Variants in HPSE observed in about 807,000 individuals in gnomAD.
The protein encoded by HPSE is heparanase, also known as endo-glucoronidase.
In HPSE, 48 loss-of-function variants were observed where a neutral mutation model predicts 65.1. The ratio of observed to expected loss-of-function variants is 0.74; its 90% CI spans 0.58 to 0.94. The LOEUF (loss-of-function observed/expected upper bound fraction) is 0.94, where lower values mean the gene tolerates loss of function less well. Ranked by LOEUF, HPSE falls within the 40% of genes least tolerant of loss-of-function variation. HPSE has a pLI of 0.00. For missense variants in HPSE, 644 were observed against 637.5 expected, an observed-to-expected ratio of 1.01 and a Z score of -0.11; for synonymous variants, 243 against 260.0, an observed-to-expected ratio of 0.93 and a Z score of 0.63.
intron 5 of HPSE, 106 bp downstream of exon 5, chr4:83,310,616 G>A: frequency 9.6e-7 from 1 of 1,045,332 alleles, no homozygotes; most frequent in Non-Finnish European, 1.4e-6. Context: ...AAGTTGCAGT[G>A]AGCCATGATT....
intron 1 of HPSE, among the ~76,000 whole-genome samples, chr4:83,325,908 G>A (rs1007952385): frequency 2.6e-5 from 4 of 152,184 alleles, no homozygotes; most frequent in Non-Finnish European, 5.9e-5. Flanking sequence ...CACCATTGAC[G>A]AGCAGAAGGG....
At chr4:83,304,910 A>G (rs11726245) in intron 9 of HPSE, among the ~76,000 whole-genome samples, 21,724 of 152,126 alleles carry the variant, frequency 0.14, 1,782 homozygotes, top group African/African-American at 0.21. Flanking sequence ...TTTTAAGAGT[A>G]ACATAGGACT....
intron 11 of HPSE, 50 bp from the exon 12 acceptor site, chr4:83,295,553 C>G (rs925176552): frequency 1.4e-6 from 2 of 1,381,992 alleles, no homozygotes; most frequent in African/African-American, 2.9e-5. Context: ...CATGCCCCAC[C>G]CATGCTGCTA....
chr4:83,317,178 T>C (rs6535461), intron 3 of HPSE, among the ~76,000 whole-genome samples: 121,290 of 152,208 alleles, frequency 0.8, 48,488 homozygotes, highest in East Asian at 0.87. Flanking sequence ...GGATTACAGG[T>C]GTGAGCCACA....
At chr4:83,332,929 C>G (rs973458653) in intron 1 of HPSE, among the ~76,000 whole-genome samples, 1 of 150,918 alleles carries the variant, frequency 6.6e-6, no homozygotes, top group African/African-American at 2.4e-5. Flanking sequence ...CGCCCCCCCC[C>G]ACCCCACACC....
Position 83,309,397 on chromosome 4 carries a change from A to G in HPSE, c.984+5T>C. 6.8e-7 allele frequency: 1 copy of G among 1,472,834 alleles called. No individual in the cohort carries two copies. The allele number at this position is 1,472,834 out of a possible 1,614,324, so 91.2% of individuals were successfully genotyped here. On this transcript the variant is annotated splice_donor_5th_base_variant and intron_variant, in intron 7 of 11. Coordinates refer to ENST00000311412, the MANE Select transcript of HPSE (RefSeq NM_001098540.3). ...TTACATTAAAAAGTTTAAAAAGACT[A>G]TTACCTGGAAAACTTTTTGCACAGA...
chr4:83,334,602 T>C lies in HPSE; in HGVS notation c.181A>G (p.Ile61Val), dbSNP rs369219645. 5.0e-6 allele frequency: 8 copies of C among 1,593,916 alleles called. No homozygotes were observed. Among genetic ancestry groups the C allele is most frequent in the Non-Finnish European group, 6.0e-6 (7 of 1,170,408 alleles). The change falls in exon 1 of 12, where the codon ATT becomes GTT. Residue 61 changes from isoleucine to valine, a missense_variant. Ile to Val is a conservative substitution (Grantham distance 29). Transcript: ENST00000311412. ...LVSPSFLSVT[I>V]DANLATDPRF... ...GGGTCCGTGGCCAGGTTGGCGTCAA[T>C]GGTGACGGACAGGAACGAGGGGCTC...
At chr4:83,300,361 G>T (rs1458422202) in intron 11 of HPSE, among the ~76,000 whole-genome samples, 1 of 152,140 alleles carries the variant, frequency 6.6e-6, no homozygotes, top group East Asian at 1.9e-4. Context: ...TAGTGAATGT[G>T]TTACCAAGAA....
intron 1 of HPSE, among the ~76,000 whole-genome samples, chr4:83,328,067 A>C (rs962131650): frequency 6.6e-6 from 1 of 152,242 alleles, no homozygotes; most frequent in Non-Finnish European, 1.5e-5. Context: ...ACAGACCTAA[A>C]GGGGTAAGAA....
At position 83,293,935 on chromosome 4, in the gene HPSE, C is replaced by G. The variant is rs905563363; in HGVS notation, c.*1409G>C. ...CTGATGGGTGCCTGTAGAGATGGCA[C>G]ATGAAGGAAAGAATTCTAAAATCTT... On this transcript the variant is annotated 3_prime_UTR_variant, in exon 12 of 12. Transcript: ENST00000311412. 5 of 152,190 alleles carry G rather than the reference C, an allele frequency of 3.3e-5. No individual in the cohort carries two copies. Among genetic ancestry groups the G allele is most frequent in the Admixed American group, 2.6e-4 (4 of 15,274 alleles). The allele number at this position is 152,190 out of a possible 1,614,324, so 9.4% of individuals were successfully genotyped here. A position where few individuals can be genotyped will look rare whatever the true frequency, so the allele number is the denominator to read the frequency against.
At chr4:83,321,041 T>C (rs1736870700) in intron 2 of HPSE, among the ~76,000 whole-genome samples, 1 of 151,686 alleles carries the variant, frequency 6.6e-6, no homozygotes, top group African/African-American at 2.4e-5. Context: ...CTACAAAAAA[T>C]AAAAAAATTA....
At position 83,310,817 on chromosome 4, in the gene HPSE, C is replaced by T. The variant is rs1325320648; in HGVS notation, c.747G>A (p.Leu249=). The part of the protein sequence containing the change: ...GSQLGEDFIQ[L]HKLLRKSTFK... Reference sequence around the variant, plus strand: ...AGGTGGACTTTCTTAGAAGTTTATGCAATTGAATAAAATCTTCTCCTAACT... The same window carrying T: ...AGGTGGACTTTCTTAGAAGTTTATGTAATTGAATAAAATCTTCTCCTAACT... The change falls in exon 5 of 12, where the codon TTG becomes TTA. Residue 249 remains leucine (L), a synonymous_variant. Coordinates refer to ENST00000311412, the MANE Select transcript of HPSE (RefSeq NM_001098540.3). The T allele has an allele frequency of 1.2e-6, 2 of 1,613,700 alleles. No homozygotes were observed. The highest frequency in any genetic ancestry group is 1.7e-6 in the Non-Finnish European group (2 of 1,179,780).
At chr4:83,325,753 G>A (rs934773716) in intron 1 of HPSE, among the ~76,000 whole-genome samples, 2 of 152,166 alleles carry the variant, frequency 1.3e-5, no homozygotes, top group African/African-American at 2.4e-5. Flanking sequence ...GGATAGAGAA[G>A]GTTTTTCAGG....
At chr4:83,332,712 G>A (rs1737431356) in intron 1 of HPSE, among the ~76,000 whole-genome samples, 1 of 152,152 alleles carries the variant, frequency 6.6e-6, no homozygotes, top group Non-Finnish European at 1.5e-5. Flanking sequence ...AGTCAATTGC[G>A]GGGAGCTTGA....
At chr4:83,303,792 G>A (rs945017841) in intron 9 of HPSE, among the ~76,000 whole-genome samples, 1 of 152,140 alleles carries the variant, frequency 6.6e-6, no homozygotes, top group Admixed American at 6.5e-5. Flanking sequence ...GCTTCCCAAA[G>A]TGTTGGGATT....
Position 83,326,995 on chromosome 4 carries a change from C to T in HPSE, c.228-4631G>A, listed in dbSNP as rs544466691. Among the ~76,000 whole-genome samples, 6 of 152,270 alleles carry T rather than the reference C, an allele frequency of 3.9e-5. No homozygotes were observed. The highest frequency in any genetic ancestry group is 9.6e-5 in the African/African-American group (4 of 41,558). On this transcript the variant is annotated intron_variant, in intron 1 of 11. Coordinates refer to ENST00000311412, the MANE Select transcript of HPSE (RefSeq NM_001098540.3). The surrounding 1 kb of genome is among the most constrained non-coding windows in gnomAD (Gnocchi z 4.2). Reference sequence around the variant, plus strand: ...CCTTGGGTCACTCTCCATCACACTGCGCTGCCTTCATTTTCTTCATAGCAT... The same window carrying T: ...CCTTGGGTCACTCTCCATCACACTGTGCTGCCTTCATTTTCTTCATAGCAT...
chr4:83,324,667 C>T (rs62303704), intron 1 of HPSE, among the ~76,000 whole-genome samples: 5,242 of 152,228 alleles, frequency 0.034, 144 homozygotes, highest in Middle Eastern at 0.061. Flanking sequence ...TCCTCAAAAC[C>T]ACGGCTAAAT....
rs147787050 is a variant in HPSE at position 83,330,942 on chromosome 4, C to T, written c.227+3614G>A. ...ATCTGAGGCCGGGTGCAGTGGCTCACGCCTGTAATCCCAACACTTTGGGAG... is the reference window on the plus strand; with the variant it reads ...ATCTGAGGCCGGGTGCAGTGGCTCATGCCTGTAATCCCAACACTTTGGGAG... On this transcript the variant is annotated intron_variant, in intron 1 of 11. Transcript: ENST00000311412. 4.0e-3 allele frequency among the ~76,000 whole-genome samples: 602 copies of T among 152,284 alleles called. 8 individuals carry two copies. Among genetic ancestry groups the T allele is most frequent in the African/African-American group, 0.014 (576 of 41,564 alleles).
chr4:83,326,376 T>C lies in HPSE; in HGVS notation c.228-4012A>G, dbSNP rs763798419. Among the ~76,000 whole-genome samples, 2 of 152,078 alleles carry C rather than the reference T, an allele frequency of 1.3e-5. No homozygotes were observed. Among genetic ancestry groups the C allele is most frequent in the Admixed American group, 6.5e-5 (1 of 15,278 alleles). Reference sequence around the variant, plus strand: ...TACCTGGCCTAGATTTGATTATTAATTGGATGTTGAGGAGGAGTCAAGGAT... The same window carrying C: ...TACCTGGCCTAGATTTGATTATTAACTGGATGTTGAGGAGGAGTCAAGGAT... On this transcript the variant is annotated intron_variant, in intron 1 of 11. Coordinates refer to ENST00000311412, the MANE Select transcript of HPSE (RefSeq NM_001098540.3). The surrounding 1 kb of genome is among the most constrained non-coding windows in gnomAD (Gnocchi z 4.2).
Sources: allele counts gnomAD v4.1 joint callset (sites outside exome capture counted in the v4.1 genomes callset), GRCh38; gene constraint gnomAD v4.1.1; non-coding constraint Gnocchi (gnomAD v3.1); transcripts MANE v1.5; gene names NCBI Gene and HGNC (gene_info 2026-07-23, HGNC 2026-07-21).